TMX4: variants seen among roughly 807,000 people sequenced by gnomAD.
TMX4 encodes thioredoxin related transmembrane protein 4.
A neutral mutation model predicts 33.3 loss-of-function variants in TMX4; 23 were observed. The ratio of observed to expected loss-of-function variants is 0.69; its 90% CI spans 0.50 to 0.98. TMX4 has a LOEUF of 0.98. Ranked by LOEUF, TMX4 falls within the 50% of genes least tolerant of loss-of-function variation. The probability of loss-of-function intolerance (pLI) is 0.00; values close to 1 mark genes in which losing one functional copy is unlikely to be tolerated. For synonymous variants in TMX4, 164 were observed against 161.5 expected (o/e 1.02, Z -0.12); for missense variants, 399 against 448.9 (o/e 0.89, Z 1.01).
At chr20:8,007,812 T>G (rs1222165734) in intron 2 of TMX4, among the ~76,000 whole-genome samples, 1 of 152,220 alleles carries the variant, frequency 6.6e-6, no homozygotes, top group Non-Finnish European at 1.5e-5. Context: ...CTCTGGTCCT[T>G]CCCTGGCCAT....
chr20:8,009,894 AATAATTAAGAAGCCTTTAACGTGCTAAAG>A, intron 2 of TMX4, among the ~76,000 whole-genome samples: 1 of 151,588 alleles, frequency 6.6e-6, no homozygotes, highest in East Asian at 1.9e-4. Context: ...ACACATGGGA[AATAATTAAGAAGCCTTTAACGTGCTAAAG>A]AATTGAAGGG....
intron 3 of TMX4, among the ~76,000 whole-genome samples, chr20:8,000,389 C>T (rs751809551): frequency 1.3e-5 from 2 of 152,108 alleles, no homozygotes; most frequent in Non-Finnish European, 2.9e-5. Flanking sequence ...CTTGGTGCAA[C>T]TGGGGGTTCT....
intron 1 of TMX4, among the ~76,000 whole-genome samples, chr20:8,011,613 G>T (rs2050753523): frequency 6.6e-6 from 1 of 152,086 alleles, no homozygotes; most frequent in Admixed American, 6.6e-5. Flanking sequence ...GCGAAGACTA[G>T]GGGAAGGAAT....
At chr20:7,983,326 G>A (rs964475168) in intron 7 of TMX4, among the ~76,000 whole-genome samples, 13 of 152,134 alleles carry the variant, frequency 8.5e-5, no homozygotes, top group African/African-American at 2.7e-4. Context: ...TCAACAATTA[G>A]AAAGTCTCAT....
chr20:7,996,049 A>G lies in TMX4; in HGVS notation c.490T>C (p.Phe164Leu). 6.2e-7 allele frequency: 1 copy of G among 1,611,908 alleles called. No homozygotes were observed. The highest frequency in any genetic ancestry group is 8.5e-7 in the Non-Finnish European group (1 of 1,178,906). Residue 164 changes from phenylalanine to leucine, a missense_variant, in exon 5 of 8, where the codon TTT becomes CTT. Physicochemically the swap from Phe to Leu is conservative, Grantham distance 22. Coordinates refer to ENST00000246024, the MANE Select transcript of TMX4 (RefSeq NM_021156.4). ...ACCCATATCTTGCCAGAGATGCTAA[A>G]AAGACCAGCCATTCCAGACATCCTT... ...SLTMSGMAGL[F>L]SISGKIWHLH...
Position 7,999,510 on chromosome 20 carries a change from C to T in TMX4, c.467+222G>A, listed in dbSNP as rs560610745. Among the ~76,000 whole-genome samples, 3 of 152,212 alleles carry T rather than the reference C, an allele frequency of 2.0e-5. No homozygotes were observed. The South Asian group carries it at 6.2e-4, about 32-fold the overall frequency. On this transcript the variant is annotated intron_variant, in intron 4 of 7. Transcript: ENST00000246024. ...AGCTGGAAAAGAGGCGTTCTGTAAC[C>T]CACTCAAATCTGGCTACTTAATTCC...
At chr20:8,002,875 T>G (rs1408784519) in intron 2 of TMX4, among the ~76,000 whole-genome samples, 1 of 152,176 alleles carries the variant, frequency 6.6e-6, no homozygotes, top group Non-Finnish European at 1.5e-5. Context: ...GGAAACACAA[T>G]GCTCTGGATT....
chr20:7,982,833 A>C (rs2050614790), intron 7 of TMX4, among the ~76,000 whole-genome samples: 1 of 152,142 alleles, frequency 6.6e-6, no homozygotes, highest in African/African-American at 2.4e-5. Flanking sequence ...GACCATAATG[A>C]CTTCAGCAGG....
At chr20:8,013,466 A>T (rs1043566943) in intron 1 of TMX4, among the ~76,000 whole-genome samples, 8 of 152,254 alleles carry the variant, frequency 5.3e-5, no homozygotes, top group Admixed American at 5.2e-4. Context: ...CCAGATAGCC[A>T]AAAAGCTCTG....
intron 5 of TMX4, among the ~76,000 whole-genome samples, chr20:7,990,826 A>T (rs1019732961): frequency 6.6e-6 from 1 of 152,246 alleles, no homozygotes; most frequent in Non-Finnish European, 1.5e-5. Context: ...AGACTCTTCA[A>T]TGATGGCCAA....
chr20:7,985,145 A>AAATTAAAG (rs1299631106), intron 6 of TMX4, among the ~76,000 whole-genome samples: 2 of 152,218 alleles, frequency 1.3e-5, no homozygotes. Context: ...AGTACATAAG[A>AAATTAAAG]AATTAAAGGT....
Position 8,019,675 on chromosome 20 carries a change from G to T in TMX4, c.-62C>A. The T allele has an allele frequency of 8.0e-7, 1 of 1,251,636 alleles. No individual in the cohort carries two copies. Among genetic ancestry groups the T allele is most frequent in the Non-Finnish European group, 1.0e-6 (1 of 990,688 alleles). 77.5% of individuals were successfully genotyped at this position (1,251,636 alleles called of 1,614,324 possible). On this transcript the variant is annotated 5_prime_UTR_variant, in exon 1 of 8. It adds an upstream start codon to the 5' untranslated region. Transcript: ENST00000246024. Reference sequence around the variant, plus strand: ...GGGGAAGGGCAGCGGCCGGCCCGCAGCCTCGCTCGCCCGCCGGGTTTTTCA... The same window carrying T: ...GGGGAAGGGCAGCGGCCGGCCCGCATCCTCGCTCGCCCGCCGGGTTTTTCA...
chr20:8,005,055 T>C lies in TMX4; in HGVS notation c.293-3514A>G, dbSNP rs562133911. 2.6e-5 allele frequency among the ~76,000 whole-genome samples: 4 copies of C among 152,276 alleles called. No individual in the cohort carries two copies. In the South Asian group the frequency reaches 8.3e-4, roughly 32 times the overall value. On this transcript the variant is annotated intron_variant, in intron 2 of 7. Coordinates refer to ENST00000246024, the MANE Select transcript of TMX4 (RefSeq NM_021156.4). ...CAACATAATAGAAAACAAGATAAAATTTACATTTATAAAATTTAAAATATA... is the reference window on the plus strand; with the variant it reads ...CAACATAATAGAAAACAAGATAAAACTTACATTTATAAAATTTAAAATATA...
At chr20:8,011,152 AT>A (rs1409155734) in intron 1 of TMX4, among the ~76,000 whole-genome samples, 1 of 152,112 alleles carries the variant, frequency 6.6e-6, no homozygotes, top group Admixed American at 6.5e-5. Flanking sequence ...CAGGCTGAGC[AT>A]TTTTAAAATG....
intron 5 of TMX4, among the ~76,000 whole-genome samples, chr20:7,990,205 G>C (rs1224974591): frequency 1.3e-5 from 2 of 151,908 alleles, no homozygotes; most frequent in African/African-American, 4.8e-5. Context: ...TGGGGCAGGA[G>C]AATTGCTTGA....
intron 1 of TMX4, among the ~76,000 whole-genome samples, chr20:8,012,235 T>G (rs899112544): frequency 6.6e-6 from 1 of 152,076 alleles, no homozygotes; most frequent in African/African-American, 2.4e-5. Context: ...GTTAATAATC[T>G]CTCCATGCCT....
intron 1 of TMX4, among the ~76,000 whole-genome samples, chr20:8,012,337 T>TA (rs1448807139): frequency 5.3e-5 from 8 of 152,092 alleles, no homozygotes. Flanking sequence ...CATATTTATT[T>TA]AATAGGAGCA....
rs565734137 is a variant in TMX4, at chr20:8,019,288, G to C, written c.176+150C>G. ...GGCAGTGCAGGATCGCAAGCGGCCC[G>C]GCACCGGCGCCGCAGGTTGTTGGCA... On this transcript the variant is annotated intron_variant, in intron 1 of 7. Coordinates refer to ENST00000246024, the MANE Select transcript of TMX4 (RefSeq NM_021156.4). The C allele has an allele frequency of 6.3e-6, 6 of 950,538 alleles. No individual in the cohort carries two copies. In the African/African-American group the frequency reaches 8.8e-5, roughly 14 times the overall value. The allele number at this position is 950,538 out of a possible 1,614,324, so 58.9% of individuals were successfully genotyped here.
Position 7,985,052 on chromosome 20 carries a change from T to C in TMX4, c.616-1195A>G, listed in dbSNP as rs1188269094. Among the ~76,000 whole-genome samples, 3 of 152,000 alleles carry C rather than the reference T, an allele frequency of 2.0e-5. No individual in the cohort carries two copies. In the East Asian group the frequency reaches 5.8e-4, roughly 29 times the overall value. ...CTATCATCCTAGAAGTTAACAAAAA[T>C]GTCATTCTGGAATAGGTGATTTAAA... is the stretch of plus-strand genomic sequence containing the variant. On this transcript the variant is annotated intron_variant, in intron 6 of 7. Transcript: ENST00000246024.
Sources: allele counts gnomAD v4.1 joint callset (sites outside exome capture counted in the v4.1 genomes callset), GRCh38; gene constraint gnomAD v4.1.1; transcripts MANE v1.5; gene names NCBI Gene and HGNC (gene_info 2026-07-23, HGNC 2026-07-21).